The following COL13A1 variants were observed in gnomAD, a reference collection of about 807,000 sequenced individuals.
COL13A1 encodes the protein collagen type XIII alpha 1 chain.
In COL13A1, 89 loss-of-function variants were observed where a neutral mutation model predicts 130.9. The observed-to-expected ratio is 0.68, with a 90% CI of 0.57 to 0.81. The LOEUF is 0.81. COL13A1 is among the 30% of genes least tolerant of loss of function. The pLI is 0.00. For synonymous variants in COL13A1, 402 were observed against 341.6 expected, an observed-to-expected ratio of 1.18 and a Z score of -1.95; for missense variants, 879 against 934.6, an observed-to-expected ratio of 0.94 and a Z score of 0.78.
chr10:69,896,666 G>A (rs2061675626), intron 13 of COL13A1, among the ~76,000 whole-genome samples: 1 of 152,226 alleles, frequency 6.6e-6, no homozygotes, highest in African/African-American at 2.4e-5. Flanking sequence ...TCAGGAAGCT[G>A]GAAGGCAGGC....
chr10:69,844,595 TAGCAAG>T (rs1852502318), intron 2 of COL13A1, among the ~76,000 whole-genome samples: 1 of 152,176 alleles, frequency 6.6e-6, no homozygotes, highest in Non-Finnish European at 1.5e-5. Context: ...TTTAGAACAG[TAGCAAG>T]CACAAAGTGA....
At chr10:69,872,243 T>G (rs750466778) in intron 4 of COL13A1, 33 bp downstream of exon 4, 2 of 1,613,300 alleles carry the variant, frequency 1.2e-6, no homozygotes, top group African/African-American at 2.7e-5. Context: ...TTCCTTTGCA[T>G]CTCTTTTACG....
intron 1 of COL13A1, among the ~76,000 whole-genome samples, chr10:69,803,139 T>C (rs1048967928): frequency 2.0e-5 from 3 of 152,144 alleles, no homozygotes; most frequent in African/African-American, 7.2e-5. Flanking sequence ...TGAGCCCCCA[T>C]GGCCCTCCCC....
intron 40 of COL13A1, among the ~76,000 whole-genome samples, chr10:69,958,060 G>A (rs1007716815): frequency 9.2e-5 from 14 of 151,968 alleles, no homozygotes; most frequent in Admixed American, 5.9e-4. Context: ...CCAGGCCAAC[G>A]CTGACCACCT....
intron 1 of COL13A1, among the ~76,000 whole-genome samples, chr10:69,809,469 T>C (rs1435447402): frequency 6.6e-6 from 1 of 152,264 alleles, no homozygotes; most frequent in Non-Finnish European, 1.5e-5. Context: ...GTGGTTACTA[T>C]TGTTACTATT....
chr10:69,806,550 C>T (rs1357158850), intron 1 of COL13A1, among the ~76,000 whole-genome samples: 1 of 152,252 alleles, frequency 6.6e-6, no homozygotes, highest in African/African-American at 2.4e-5. Context: ...CCCATCAGCG[C>T]CTCTCTCCTG....
intron 2 of COL13A1, among the ~76,000 whole-genome samples, chr10:69,839,631 T>C (rs551735106): frequency 3.3e-5 from 5 of 152,254 alleles, no homozygotes; most frequent in African/African-American, 7.2e-5. Flanking sequence ...TAGAAGAGTG[T>C]CCATGAGATA....
At chr10:69,936,183 AAAGG>A (rs1332493105) in intron 32 of COL13A1, among the ~76,000 whole-genome samples, 1,258 of 114,488 alleles carry the variant, frequency 0.011, 43 homozygotes, top group African/African-American at 0.039. Context: ...GAAGGAAAGG[AAAGG>A]AAGGAAGGAA....
rs376808692 is a variant in COL13A1, at chr10:69,898,736, C to G, written c.724C>G (p.Pro242Ala). ...CAATTCAGTGCGACTGGCTCCACCC[C>G]CGGTCATAAAAAGGCGGACGTTCCA... ...LLNSVRLAPP[P>A]VIKRRTFQGE... Residue 242 changes from proline (P) to alanine (A), a missense_variant, in exon 14 of 41, where the codon CCG becomes GCG. By Grantham distance (27) the Pro-to-Ala change is conservative. This residue lies in a region of COL13A1 where 715 missense variants were observed against 721.0 expected (regional missense o/e 0.99). Transcript: ENST00000645393. 4.6e-5 allele frequency: 74 copies of G among 1,613,558 alleles called. No homozygotes were observed. Among genetic ancestry groups the G allele is most frequent in the Non-Finnish European group, 6.2e-5 (73 of 1,179,700 alleles).
At position 69,957,027 on chromosome 10, in the gene COL13A1, A is replaced by C. The variant is rs756044451; in HGVS notation, c.2169A>C (p.Gln723His). 1 of 1,613,682 alleles carries C rather than the reference A, an allele frequency of 6.2e-7. No individual in the cohort carries two copies. The highest frequency in any genetic ancestry group is 8.5e-7 in the Non-Finnish European group (1 of 1,179,732). Residue 723 changes from glutamine to histidine, a missense_variant, in exon 40 of 41, where the codon CAA (glutamine) becomes CAC (histidine). Physicochemically the swap from Gln to His is conservative, Grantham distance 24. Around this residue, in one of 3 missense-constraint regions of COL13A1, gnomAD observed 68 missense variants for 65.8 expected, o/e 1.03. Coordinates refer to ENST00000645393, the MANE Select transcript of COL13A1 (RefSeq NM_001368882.1). ...CPLGEDGLPV[Q>H]GCWNK ...AGGGCGAAGATGGCTTACCAGTCCA[A>C]GGCTGCTGGAACAAGGTAAGGCTTC...
rs148590319 is a variant in COL13A1 at position 69,814,687 on chromosome 10, G to A, written c.295-7682G>A. 3.7e-3 allele frequency among the ~76,000 whole-genome samples: 556 copies of A among 152,322 alleles called. 2 individuals carry two copies. The highest frequency in any genetic ancestry group is 0.013 in the African/African-American group (539 of 41,558). Reference sequence around the variant, plus strand: ...TGCTTAATACACAGTTAGTAGGAGAGTTGGGACTAGACCCCAAGGCTCTGG... The same window carrying A: ...TGCTTAATACACAGTTAGTAGGAGAATTGGGACTAGACCCCAAGGCTCTGG... On this transcript the variant is annotated intron_variant, in intron 1 of 40. Transcript: ENST00000645393.
chr10:69,824,761 A>C (rs989838219), intron 2 of COL13A1, among the ~76,000 whole-genome samples: 1 of 152,268 alleles, frequency 6.6e-6, no homozygotes, highest in Non-Finnish European at 1.5e-5. Flanking sequence ...ATACCCCTGC[A>C]TGTTGAGAAT....
chr10:69,861,291 A>C (rs1857996639), intron 2 of COL13A1, among the ~76,000 whole-genome samples: 2 of 152,134 alleles, frequency 1.3e-5, no homozygotes, highest in South Asian at 2.1e-4. Flanking sequence ...GAAGGTGGCC[A>C]CTCAGGTTGC....
At chr10:69,820,734 C>T (rs1220448175) in intron 1 of COL13A1, among the ~76,000 whole-genome samples, 1 of 152,140 alleles carries the variant, frequency 6.6e-6, no homozygotes, top group Non-Finnish European at 1.5e-5. Flanking sequence ...GATCTCGGCC[C>T]CCTTCTGCCC....
chr10:69,827,810 G>A (rs953751132), intron 2 of COL13A1, among the ~76,000 whole-genome samples: 2 of 152,048 alleles, frequency 1.3e-5, no homozygotes, highest in Non-Finnish European at 2.9e-5. Flanking sequence ...GCCCCCAACA[G>A]CCTCATGACA....
At chr10:69,805,131 A>AGAC (rs1841191132) in intron 1 of COL13A1, among the ~76,000 whole-genome samples, 1 of 152,078 alleles carries the variant, frequency 6.6e-6, no homozygotes, top group Non-Finnish European at 1.5e-5. Flanking sequence ...GGCTGGAGAG[A>AGAC]GACGGGCAGC....
At chr10:69,833,869 G>T (rs1394470435) in intron 2 of COL13A1, among the ~76,000 whole-genome samples, 2 of 152,178 alleles carry the variant, frequency 1.3e-5, no homozygotes, top group Non-Finnish European at 2.9e-5. Context: ...AAAGTTGGGG[G>T]TTGGGGAGGC....
chr10:69,857,588 G>A (rs1856790748), intron 2 of COL13A1, among the ~76,000 whole-genome samples: 1 of 152,144 alleles, frequency 6.6e-6, no homozygotes, highest in South Asian at 2.1e-4. Flanking sequence ...CTCCTTATGG[G>A]CCAAGGCGGA....
chr10:69,905,696 A>G, intron 16 of COL13A1, 91 bp from the exon 17 acceptor site: 1 of 1,432,640 alleles, frequency 7.0e-7, no homozygotes, highest in Non-Finnish European at 9.7e-7. Context: ...AGTCATCGAG[A>G]GGAAGAGGGA....
Sources: allele counts gnomAD v4.1 joint callset (sites outside exome capture counted in the v4.1 genomes callset), GRCh38; gene constraint gnomAD v4.1.1; regional missense constraint gnomAD v4.1.1; transcripts MANE v1.5; gene names NCBI Gene and HGNC (gene_info 2026-07-23, HGNC 2026-07-21).